The following XPNPEP3 variants were observed in gnomAD, a reference collection of about 807,000 sequenced individuals.
The protein encoded by XPNPEP3 is xaa-Pro aminopeptidase 3.
A neutral mutation model predicts 60.0 loss-of-function variants in XPNPEP3; 41 were observed. The ratio of observed to expected loss-of-function variants is 0.68; its 90% CI spans 0.53 to 0.89. The LOEUF is 0.89. Ranked by LOEUF, XPNPEP3 falls within the 40% of genes least tolerant of loss-of-function variation. XPNPEP3 has a pLI of 0.00. For synonymous variants in XPNPEP3, 212 were observed against 223.2 expected (o/e 0.95, Z 0.45); for missense variants, 598 against 638.9 (o/e 0.94, Z 0.69).
intron 4 of XPNPEP3, among the ~76,000 whole-genome samples, chr22:40,904,557 A>G (rs1264547286): frequency 6.6e-6 from 1 of 152,186 alleles, no homozygotes; most frequent in African/African-American, 2.4e-5. Context: ...TCTTAAAAAA[A>G]AAATTTTTTT....
intron 2 of XPNPEP3, among the ~76,000 whole-genome samples, chr22:40,871,816 C>CTCAGCCTCCT (rs2058007076): frequency 1.3e-5 from 2 of 151,996 alleles, no homozygotes; most frequent in African/African-American, 4.8e-5. Flanking sequence ...GGATGGATCA[C>CTCAGCCTCCT]GAGGTCAGGA....
intron 4 of XPNPEP3, among the ~76,000 whole-genome samples, chr22:40,893,959 T>C (rs1402663082): frequency 6.6e-6 from 1 of 152,208 alleles, no homozygotes; most frequent in Non-Finnish European, 1.5e-5. Flanking sequence ...ATGTCACTCC[T>C]GGAAGTGTGC....
At chr22:40,866,050 A>G (rs761805134) in intron 1 of XPNPEP3, among the ~76,000 whole-genome samples, 1 of 152,114 alleles carries the variant, frequency 6.6e-6, no homozygotes, top group African/African-American at 2.4e-5. Context: ...CATTAAATTT[A>G]TTTCCAATAA....
intron 3 of XPNPEP3, among the ~76,000 whole-genome samples, chr22:40,883,828 G>A (rs937657300): frequency 7.2e-5 from 11 of 152,060 alleles, no homozygotes; most frequent in Admixed American, 7.2e-4. Flanking sequence ...GCTCTGGGAA[G>A]TATTTTATTT....
chr22:40,898,224 CATTTTTTTTTTTTTTTTTTTT>C (rs2058116939), intron 4 of XPNPEP3, among the ~76,000 whole-genome samples: 1 of 70,228 alleles, frequency 1.4e-5, no homozygotes, highest in Admixed American at 1.4e-4. Flanking sequence ...GTCTTTGACC[CATTTTTTTTTTTTTTTTTTTT>C]TTTTTTTTTT....
chr22:40,862,666 T>G, intron 1 of XPNPEP3: 1 of 985,404 alleles, frequency 1.0e-6, no homozygotes, highest in Non-Finnish European at 1.2e-6. Context: ...ATGTTAACTT[T>G]CTGCATGCCA....
At chr22:40,857,825 C>T (rs2057911922) in intron 1 of XPNPEP3, among the ~76,000 whole-genome samples, 1 of 152,202 alleles carries the variant, frequency 6.6e-6, no homozygotes, top group Non-Finnish European at 1.5e-5. Flanking sequence ...AATCACCTTC[C>T]TTGCAGGCGG....
intron 4 of XPNPEP3, among the ~76,000 whole-genome samples, chr22:40,895,657 T>C (rs894443601): frequency 2.6e-5 from 4 of 152,110 alleles, no homozygotes; most frequent in African/African-American, 9.6e-5. Context: ...AATTAAAAAA[T>C]TTATAACTTT....
chr22:40,863,042 A>T (rs1224440331), intron 1 of XPNPEP3, among the ~76,000 whole-genome samples: 2 of 152,248 alleles, frequency 1.3e-5, no homozygotes, highest in Non-Finnish European at 2.9e-5. Context: ...AGTCAGCCAC[A>T]TAGTGATCTA....
intron 7 of XPNPEP3, chr22:40,917,285 A>G (rs1366881537): frequency 6.6e-6 from 1 of 152,240 alleles, no homozygotes; most frequent in African/African-American, 2.4e-5. Flanking sequence ...GGTCAGAAAC[A>G]GAGCAGGTCA....
At chr22:40,884,613 C>T (rs1230701313) in intron 3 of XPNPEP3, among the ~76,000 whole-genome samples, 1 of 151,174 alleles carries the variant, frequency 6.6e-6, no homozygotes, top group Admixed American at 6.6e-5. Context: ...GGATTACAGG[C>T]GTGAGCCACC....
intron 2 of XPNPEP3, among the ~76,000 whole-genome samples, chr22:40,874,747 T>A (rs2145779351): frequency 6.6e-6 from 1 of 152,190 alleles, no homozygotes; most frequent in South Asian, 2.1e-4. Flanking sequence ...TTTGAAGAGC[T>A]CCCCGGGCGT....
chr22:40,870,773 C>T (rs2058001208), intron 2 of XPNPEP3, among the ~76,000 whole-genome samples: 2 of 152,112 alleles, frequency 1.3e-5, no homozygotes, highest in African/African-American at 4.8e-5. Context: ...AATCCCAGAA[C>T]TTTGGGAGGC....
intron 1 of XPNPEP3, 90 bp downstream of exon 1, chr22:40,857,335 C>G: frequency 6.9e-7 from 1 of 1,443,180 alleles, no homozygotes; most frequent in Non-Finnish European, 9.6e-7. Flanking sequence ...GCTGACCCTT[C>G]TCCTGGTGGG....
At chr22:40,922,561 G>T (rs976706375) in intron 8 of XPNPEP3, 48 bp downstream of exon 8, 1 of 1,604,308 alleles carries the variant, frequency 6.2e-7, no homozygotes, top group Non-Finnish European at 8.5e-7. Flanking sequence ...CTAGCATGCT[G>T]CTAGGTTTTT....
chr22:40,909,628 G>A (rs1432387428), intron 6 of XPNPEP3, among the ~76,000 whole-genome samples: 3 of 151,986 alleles, frequency 2.0e-5, no homozygotes, highest in African/African-American at 7.3e-5. Flanking sequence ...AGCCAGGCGT[G>A]GTGGCACGTG....
At chr22:40,876,071 G>A (rs1256774513) in intron 2 of XPNPEP3, among the ~76,000 whole-genome samples, 1 of 152,030 alleles carries the variant, frequency 6.6e-6, no homozygotes, top group Non-Finnish European at 1.5e-5. Flanking sequence ...ACCTTTGTGT[G>A]TAGTCCTCAT....
At chr22:40,875,891 A>G (rs891998213) in intron 2 of XPNPEP3, among the ~76,000 whole-genome samples, 1 of 151,514 alleles carries the variant, frequency 6.6e-6, no homozygotes, top group African/African-American at 2.4e-5. Flanking sequence ...ATGGTGGTGC[A>G]TGCTTGTAAT....
chr22:40,898,274 T>A (rs1283841937), intron 4 of XPNPEP3, among the ~76,000 whole-genome samples: 1 of 109,842 alleles, frequency 9.1e-6, no homozygotes, highest in Non-Finnish European at 1.7e-5. Flanking sequence ...TGAGACGGAG[T>A]CTCGCTCTGT....
Sources: gnomAD v4.1 joint callset for allele counts (sites outside exome capture counted in the v4.1 genomes callset) on GRCh38, gnomAD v4.1.1 for gene constraint, MANE v1.5 for transcripts, NCBI Gene and HGNC (gene_info 2026-07-23, HGNC 2026-07-21) for gene names.